The following DNAJC24 variants were observed in gnomAD, a reference collection of about 807,000 sequenced individuals.
DNAJC24 encodes the protein dnaJ homolog subfamily C member 24.
A neutral mutation model predicts 18.0 loss-of-function variants in DNAJC24; 17 were observed. The ratio of observed to expected loss-of-function variants is 0.94; its 90% CI spans 0.65 to 1.42. DNAJC24 has a LOEUF of 1.42. Among genes scored for constraint, DNAJC24 ranks in the 40% most tolerant of loss-of-function variants. DNAJC24 has a pLI of 0.00. For missense variants in DNAJC24, 158 were observed against 175.6 expected, an observed-to-expected ratio of 0.90 and a Z score of 0.57; for synonymous variants, 55 against 57.7, an observed-to-expected ratio of 0.95 and a Z score of 0.21.
At chr11:31,428,568 GA>G (rs1425490061) in intron 4 of DNAJC24, among the ~76,000 whole-genome samples, 1 of 152,130 alleles carries the variant, frequency 6.6e-6, no homozygotes, top group Non-Finnish European at 1.5e-5. Flanking sequence ...TCCAGAACAG[GA>G]GAAAAGTTCA....
chr11:31,412,864 A>G (rs778726066), intron 2 of DNAJC24, among the ~76,000 whole-genome samples: 13 of 152,184 alleles, frequency 8.5e-5, no homozygotes, highest in African/African-American at 3.1e-4. Flanking sequence ...TTGCTGTGCT[A>G]GAGAGGATTT....
Position 31,414,930 on chromosome 11 carries a change from G to A in DNAJC24, c.231G>A (p.Glu77=). The A allele has an allele frequency of 6.2e-7, 1 of 1,613,816 alleles. No individual in the cohort carries two copies. ...TAGGAAATGAAGAGACAAAAAGAGA[G>A]TATGACCTGCAGCGGTGTGGTAGGT... ...KILGNEETKR[E]YDLQRCEDDL... is the part of the protein sequence containing the mutation. The change falls in exon 3 of 5, where the codon GAG becomes GAA. Residue 77 remains glutamate (E), a synonymous_variant. Coordinates refer to ENST00000465995, the MANE Select transcript of DNAJC24 (RefSeq NM_181706.5).
At chr11:31,380,031 A>C (rs1276360773) in intron 2 of DNAJC24, among the ~76,000 whole-genome samples, 5 of 152,250 alleles carry the variant, frequency 3.3e-5, no homozygotes, top group African/African-American at 7.2e-5. Flanking sequence ...CAGCCTCCCA[A>C]AATGCTGGGA....
intron 2 of DNAJC24, among the ~76,000 whole-genome samples, chr11:31,387,334 A>G (rs2133475134): frequency 6.6e-6 from 1 of 152,314 alleles, no homozygotes; most frequent in South Asian, 2.1e-4. Flanking sequence ...GAGCCACCAC[A>G]GTCCCAGTGG....
At chr11:31,400,942 A>G (rs908814321) in intron 2 of DNAJC24, among the ~76,000 whole-genome samples, 1 of 152,212 alleles carries the variant, frequency 6.6e-6, no homozygotes, top group African/African-American at 2.4e-5. Flanking sequence ...TGAACAGGCA[A>G]CCTACAGAAT....
chr11:31,421,512 G>C (rs1952803861), intron 3 of DNAJC24, among the ~76,000 whole-genome samples: 1 of 152,186 alleles, frequency 6.6e-6, no homozygotes, highest in Non-Finnish European at 1.5e-5. Context: ...AGAGCTGCAG[G>C]TGGACTTGAT....
intron 3 of DNAJC24, among the ~76,000 whole-genome samples, chr11:31,424,075 T>C (rs908960531): frequency 3.3e-5 from 5 of 152,176 alleles, no homozygotes; most frequent in Admixed American, 6.5e-5. Context: ...AGATTGGCAG[T>C]TGTATTTGCA....
At chr11:31,407,340 T>C (rs1952665776) in intron 2 of DNAJC24, 1 of 152,228 alleles carries the variant, frequency 6.6e-6, no homozygotes, top group Non-Finnish European at 1.5e-5. Flanking sequence ...GTAGCCACTT[T>C]ACCATAAAAC....
rs1331181599 is a variant in DNAJC24, at chr11:31,430,187, T to A, written c.320-84T>A. 13 of 1,196,596 alleles carry A rather than the reference T, an allele frequency of 1.1e-5. No individual in the cohort carries two copies. In the Admixed American group the frequency reaches 2.9e-4, roughly 26 times the overall value. The allele number at this position is 1,196,596 out of a possible 1,614,324, so 74.1% of individuals were successfully genotyped here. A position where few individuals can be genotyped will look rare whatever the true frequency, so the allele number is the denominator to read the frequency against. On this transcript the variant is annotated intron_variant, in intron 4 of 4. Transcript: ENST00000465995. The stretch of plus-strand genomic sequence containing the variant: ...TCTTTGTTTTGTTTTACAATTCCTA[T>A]GGAATAAACTCTGCACCTTTTAAGG...
chr11:31,405,075 GTT>G (rs397848726), intron 2 of DNAJC24, among the ~76,000 whole-genome samples: 10 of 83,824 alleles, frequency 1.2e-4, no homozygotes, highest in Admixed American at 8.3e-4. Context: ...TCTTTTTTTT[GTT>G]TTTTTTTTTT....
chr11:31,425,037 G>A (rs976845360), intron 3 of DNAJC24, among the ~76,000 whole-genome samples: 1 of 151,218 alleles, frequency 6.6e-6, no homozygotes, highest in South Asian at 2.1e-4. Context: ...AATATAACCT[G>A]CCTTTTAAAA....
At chr11:31,378,655 G>GT (rs902564951) in intron 2 of DNAJC24, among the ~76,000 whole-genome samples, 48 of 148,496 alleles carry the variant, frequency 3.2e-4, no homozygotes, top group South Asian at 1.9e-3. Flanking sequence ...CTTTCCAGTG[G>GT]TTTTTTTTTT....
intron 2 of DNAJC24, among the ~76,000 whole-genome samples, chr11:31,404,159 C>T (rs1952630962): frequency 6.6e-6 from 1 of 152,134 alleles, no homozygotes; most frequent in Admixed American, 6.5e-5. Flanking sequence ...CTTACTGCAA[C>T]CTGTTTTATC....
chr11:31,381,359 G>A (rs1952375125), intron 2 of DNAJC24, among the ~76,000 whole-genome samples: 1 of 151,936 alleles, frequency 6.6e-6, no homozygotes, highest in Non-Finnish European at 1.5e-5. Context: ...TAATGTTGTT[G>A]TGTCCATGTT....
At chr11:31,405,590 A>G in intron 2 of DNAJC24, among the ~76,000 whole-genome samples, 1 of 152,008 alleles carries the variant, frequency 6.6e-6, no homozygotes, top group South Asian at 2.1e-4. Flanking sequence ...GAATCCTCCT[A>G]CTTCAGCCTC....
rs1280439863 is a variant in DNAJC24, at chr11:31,431,173, C to T, written c.*772C>T. The T allele has an allele frequency of 3.3e-5, 5 of 152,172 alleles. No individual in the cohort carries two copies. The highest frequency in any genetic ancestry group is 1.2e-4 in the African/African-American group (5 of 41,420). 9.4% of individuals were successfully genotyped at this position (152,172 alleles called of 1,614,324 possible). A position where few individuals can be genotyped will look rare whatever the true frequency, so the allele number is the denominator to read the frequency against. On this transcript the variant is annotated 3_prime_UTR_variant, in exon 5 of 5. Coordinates refer to ENST00000465995, the MANE Select transcript of DNAJC24 (RefSeq NM_181706.5). ...TAGCTGGGATTACACGTGCCCACCACCATGCCCAGCTAATTTTTGTATTTT... is the reference window on the plus strand; with the variant it reads ...TAGCTGGGATTACACGTGCCCACCATCATGCCCAGCTAATTTTTGTATTTT...
intron 2 of DNAJC24, among the ~76,000 whole-genome samples, chr11:31,383,991 G>A (rs1952403538): frequency 6.6e-6 from 1 of 152,002 alleles, no homozygotes; most frequent in Non-Finnish European, 1.5e-5. Context: ...ATACTCTCAG[G>A]GCAAAAACAC....
intron 2 of DNAJC24, among the ~76,000 whole-genome samples, chr11:31,409,648 C>A (rs1473490898): frequency 6.6e-6 from 1 of 152,086 alleles, no homozygotes; most frequent in African/African-American, 2.4e-5. Context: ...ACCTATTCTG[C>A]AGTTGATAGA....
chr11:31,390,017 A>G (rs939335679), intron 2 of DNAJC24, among the ~76,000 whole-genome samples: 1 of 152,204 alleles, frequency 6.6e-6, no homozygotes, highest in Non-Finnish European at 1.5e-5. Flanking sequence ...AAGCAGTACT[A>G]AGAGGGAAGT....
Sources: allele counts gnomAD v4.1 joint callset (sites outside exome capture counted in the v4.1 genomes callset), GRCh38; gene constraint gnomAD v4.1.1; transcripts MANE v1.5; gene names NCBI Gene and HGNC (gene_info 2026-07-23, HGNC 2026-07-21).